Variants in UBE3C observed in about 807,000 individuals in gnomAD.
UBE3C encodes the protein ubiquitin-protein ligase E3C.
A neutral mutation model predicts 129.4 loss-of-function variants in UBE3C; 42 were observed. The ratio of observed to expected loss-of-function variants is 0.32; its 90% CI spans 0.25 to 0.42. UBE3C has a LOEUF of 0.42. UBE3C is among the 10% of genes least tolerant of loss of function. The probability of loss-of-function intolerance (pLI) is 1.00; values close to 1 mark genes in which losing one functional copy is unlikely to be tolerated. For synonymous variants in UBE3C, 510 were observed against 492.4 expected (o/e 1.04, Z -0.47); for missense variants, 1,049 against 1,319.1 (o/e 0.80, Z 3.17).
intron 11 of UBE3C, among the ~76,000 whole-genome samples, chr7:157,202,900 G>C (rs1262791576): frequency 6.6e-6 from 1 of 152,034 alleles, no homozygotes; most frequent in Non-Finnish European, 1.5e-5. Context: ...TTCTTTTTAG[G>C]AACAAGAAGT....
chr7:157,237,851 TCCTAGGCATACATAGGGAGAC>T (rs1443567193), intron 18 of UBE3C, among the ~76,000 whole-genome samples: 20 of 150,612 alleles, frequency 1.3e-4, no homozygotes, highest in Non-Finnish European at 2.7e-4. Context: ...TTCAAGACCA[TCCTAGGCATACATAGGGAGAC>T]CTGGTCTCTA....
chr7:157,182,761 G>A (rs530436892), intron 8 of UBE3C, among the ~76,000 whole-genome samples: 3 of 151,712 alleles, frequency 2.0e-5, no homozygotes, highest in African/African-American at 7.3e-5. Context: ...GGTTGGGTGC[G>A]GGGGGGTATA....
intron 2 of UBE3C, 34 bp from the exon 3 acceptor site, chr7:157,169,014 C>A: frequency 6.4e-7 from 1 of 1,562,778 alleles, no homozygotes; most frequent in South Asian, 1.1e-5. Flanking sequence ...GGATTCTGAC[C>A]AATTGCTCCC....
At chr7:157,146,595 A>G (rs1254879279) in intron 1 of UBE3C, among the ~76,000 whole-genome samples, 1 of 152,170 alleles carries the variant, frequency 6.6e-6, no homozygotes, top group Non-Finnish European at 1.5e-5. Context: ...TGTCAATACC[A>G]TACCATCTTG....
At position 157,229,878 on chromosome 7, in the gene UBE3C, G is replaced by A. The variant is rs117620134; in HGVS notation, c.2234-1202G>A. 3.4e-3 allele frequency among the ~76,000 whole-genome samples: 510 copies of A among 152,178 alleles called. 15 individuals are homozygous for A. The South Asian group carries it at 0.047, about 14-fold the overall frequency. On this transcript the variant is annotated intron_variant, in intron 17 of 22. Coordinates refer to ENST00000348165, the MANE Select transcript of UBE3C (RefSeq NM_014671.3). Reference sequence around the variant, plus strand: ...TCCTTCTGCCTTGGCTTCCCAAAGTGCTGGGATTACAGAAGTGAGCCTCTG... The same window carrying A: ...TCCTTCTGCCTTGGCTTCCCAAAGTACTGGGATTACAGAAGTGAGCCTCTG...
intron 22 of UBE3C, among the ~76,000 whole-genome samples, chr7:157,263,973 C>T (rs910287322): frequency 8.6e-5 from 13 of 151,954 alleles, no homozygotes; most frequent in African/African-American, 2.9e-4. Flanking sequence ...GGGTCTTGCT[C>T]TGTTGCCCAG....
At chr7:157,163,405 A>AG (rs1432865905) in intron 1 of UBE3C, among the ~76,000 whole-genome samples, 4 of 150,506 alleles carry the variant, frequency 2.7e-5, no homozygotes, top group Admixed American at 2.0e-4. Flanking sequence ...AAAAAAAAAA[A>AG]GGAAAGAAAT....
intron 10 of UBE3C, among the ~76,000 whole-genome samples, chr7:157,189,768 C>T (rs1808905247): frequency 6.6e-6 from 1 of 152,068 alleles, no homozygotes; most frequent in South Asian, 2.1e-4. Context: ...CTCTTTCTCA[C>T]TCTTTCCTAA....
chr7:157,264,296 TAC>T (rs71189993), intron 22 of UBE3C, among the ~76,000 whole-genome samples: 81,840 of 111,650 alleles, frequency 0.73, 29,892 homozygotes, highest in African/African-American at 0.77. Context: ...CTTGGCCTGT[TAC>T]ACACACACAC....
chr7:157,200,288 A>G (rs1206618682), intron 10 of UBE3C, among the ~76,000 whole-genome samples: 2 of 150,106 alleles, frequency 1.3e-5, no homozygotes, highest in African/African-American at 2.5e-5. Flanking sequence ...CTCAAAATGC[A>G]TTACATTAAA....
At chr7:157,187,681 A>G (rs1230875330) in intron 10 of UBE3C, among the ~76,000 whole-genome samples, 18 of 150,974 alleles carry the variant, frequency 1.2e-4, no homozygotes, top group Non-Finnish European at 2.9e-5. Context: ...GGTTCATGCC[A>G]TTCTCCTGCC....
chr7:157,170,377 A>G lies in UBE3C; in HGVS notation c.269A>G (p.Asn90Ser). The change falls in exon 4 of 23, where the codon AAT (asparagine) becomes AGT (serine). Residue 90 changes from asparagine to serine, a missense_variant. Transcript: ENST00000348165. ...TCCGGGGGCGCTTTTCCCATTGCTAATGGCCCCAACCTTACCCTTTTGGTA... is the reference window on the plus strand; with the variant it reads ...TCCGGGGGCGCTTTTCCCATTGCTAGTGGCCCCAACCTTACCCTTTTGGTA... ...SQSGGAFPIA[N>S]GPNLTLLVRQ... 1.3e-6 allele frequency: 2 copies of G among 1,578,024 alleles called. No individual in the cohort carries two copies. Among genetic ancestry groups the G allele is most frequent in the Non-Finnish European group, 8.6e-7 (1 of 1,164,784 alleles).
chr7:157,255,630 A>G (rs1036125371), intron 21 of UBE3C, among the ~76,000 whole-genome samples: 2 of 152,220 alleles, frequency 1.3e-5, no homozygotes, highest in Admixed American at 6.5e-5. Flanking sequence ...TGCACCTTTA[A>G]TAATCTCAGC....
chr7:157,169,091 T>C lies in UBE3C; in HGVS notation c.164T>C (p.Phe55Ser). The stretch of plus-strand genomic sequence containing the variant: ...AAAAATGCAATAATTATCCAGTCAT[T>C]TATTCGAGGCTATAGAGACAGAAAA... ...RLKNAIIIQS[F>S]IRGYRDRKQQ... is the part of the protein sequence containing the mutation. Residue 55 changes from phenylalanine (F) to serine (S), a missense_variant, in exon 3 of 23, where the codon TTT becomes TCT. Phe to Ser is a radical substitution (Grantham distance 155, BLOSUM62 -2). Around this residue, in one of 4 missense-constraint regions of UBE3C, gnomAD observed 489 missense variants for 513.8 expected, o/e 0.95. Transcript: ENST00000348165. The C allele has an allele frequency of 6.2e-7, 1 of 1,613,854 alleles. No individual in the cohort carries two copies. Among genetic ancestry groups the C allele is most frequent in the South Asian group, 1.1e-5 (1 of 91,072 alleles).
chr7:157,214,971 G>A (rs17837729), intron 13 of UBE3C, among the ~76,000 whole-genome samples: 37,338 of 152,082 alleles, frequency 0.25, 8,434 homozygotes, highest in African/African-American at 0.61. Flanking sequence ...ATAGAGTCAA[G>A]GGTCAAGGAA....
rs12112338 is a variant in UBE3C at position 157,248,029 on chromosome 7, A to G, written c.2482-339A>G. ...CCGTAGCCACCTTGGGAGACTAACA[A>G]ACCTGCAGTTCCTGAAGGATTCACC... On this transcript the variant is annotated intron_variant, in intron 18 of 22. Transcript: ENST00000348165. Among the ~76,000 whole-genome samples, 603 of 152,308 alleles carry G rather than the reference A, an allele frequency of 4.0e-3. 5 individuals carry two copies. Among genetic ancestry groups the G allele is most frequent in the African/African-American group, 0.014 (575 of 41,552 alleles).
chr7:157,199,636 A>C (rs1417048302), intron 10 of UBE3C, among the ~76,000 whole-genome samples: 1 of 151,862 alleles, frequency 6.6e-6, no homozygotes, highest in Non-Finnish European at 1.5e-5. Context: ...ACGCCCAGCT[A>C]ATTTTTCTAT....
intron 9 of UBE3C, among the ~76,000 whole-genome samples, chr7:157,185,518 G>C (rs1472080196): frequency 6.6e-6 from 1 of 152,072 alleles, no homozygotes; most frequent in East Asian, 1.9e-4. Context: ...ACCCCATTTT[G>C]AGCCAGGCAC....
chr7:157,167,174 G>A lies in UBE3C; in HGVS notation c.121-1874G>A, dbSNP rs140564262. On this transcript the variant is annotated intron_variant, in intron 2 of 22. Transcript: ENST00000348165. ...TGGGACTCCTGACCTCAAGTGATCT[G>A]CCCACCTCAGCCTCCCACAGTGCTG... 6.8e-3 allele frequency among the ~76,000 whole-genome samples: 1,027 copies of A among 152,068 alleles called. 17 individuals carry two copies. Among genetic ancestry groups the A allele is most frequent in the South Asian group, 0.047 (225 of 4,808 alleles).
Sources: gnomAD v4.1 joint callset for allele counts (sites outside exome capture counted in the v4.1 genomes callset) on GRCh38, gnomAD v4.1.1 for gene constraint, gnomAD v4.1.1 regional missense constraint, MANE v1.5 for transcripts, NCBI Gene and HGNC (gene_info 2026-07-23, HGNC 2026-07-21) for gene names.